Variants in DCAF8L2 observed in about 807,000 individuals in gnomAD.
DCAF8L2 encodes the protein DDB1 and CUL4 associated factor 8 like 2.
For synonymous variants in DCAF8L2, 200 were observed against 190.9 expected, an observed-to-expected ratio of 1.05 and a Z score of -0.39; for missense variants, 430 against 490.7, an observed-to-expected ratio of 0.88 and a Z score of 1.17.
chrX:27,554,676 A>G, the DCAF8L2 span, among the ~76,000 whole-genome samples: 1 of 111,847 alleles, frequency 8.9e-6, no homozygotes, highest in Non-Finnish European at 1.9e-5. Flanking sequence ...AAAATCATGC[A>G]TCATTTGAAA....
At chrX:27,536,099 A>G in the DCAF8L2 span, among the ~76,000 whole-genome samples, 1 of 112,018 alleles carries the variant, frequency 8.9e-6, no homozygotes, top group African/African-American at 3.2e-5. Context: ...CTCCATAAAT[A>G]TGGCATCCCA....
the DCAF8L2 span, among the ~76,000 whole-genome samples, chrX:27,498,452 T>A: frequency 8.9e-6 from 1 of 112,569 alleles, no homozygotes; most frequent in Non-Finnish European, 1.9e-5. Flanking sequence ...ATAAAATATA[T>A]TCAAAGTGTA....
intron 2 of DCAF8L2, among the ~76,000 whole-genome samples, chrX:27,653,131 T>G (rs2147202386): frequency 8.9e-6 from 1 of 111,959 alleles, no homozygotes; most frequent in Non-Finnish European, 1.9e-5. Context: ...CGTGGAATGG[T>G]GAGGAAGGAG....
chrX:27,598,044 TTATTAATTATAC>T (rs1926438927), intron 1 of DCAF8L2, among the ~76,000 whole-genome samples: 1 of 112,375 alleles, frequency 8.9e-6, no homozygotes, highest in African/African-American at 3.2e-5. Context: ...TTCATATAAA[TTATTAATTATAC>T]TATCAATGAC....
At chrX:27,718,711 T>A (rs763825066) in intron 4 of DCAF8L2, among the ~76,000 whole-genome samples, 37 of 111,609 alleles carry the variant, frequency 3.3e-4, no homozygotes, top group South Asian at 1.5e-3. Flanking sequence ...AGCTGCAACA[T>A]TACTCTTTTC....
intron 1 of DCAF8L2, among the ~76,000 whole-genome samples, chrX:27,596,505 G>C: frequency 9.0e-6 from 1 of 111,613 alleles, no homozygotes; most frequent in Middle Eastern, 4.7e-3. Flanking sequence ...TAGAGATCTT[G>C]ATATGATTAT....
chrX:27,508,672 G>A, the DCAF8L2 span, among the ~76,000 whole-genome samples: 15 of 103,444 alleles, frequency 1.5e-4, no homozygotes, highest in Non-Finnish European at 2.0e-5. Flanking sequence ...ACTTGTTAAT[G>A]AAGTCATCAA....
the DCAF8L2 span, among the ~76,000 whole-genome samples, chrX:27,526,686 T>C: frequency 6.2e-5 from 7 of 112,539 alleles, no homozygotes; most frequent in African/African-American, 2.3e-4. Context: ...ATGATGGTGA[T>C]GTACAGATGT....
At chrX:27,561,756 T>G in the DCAF8L2 span, among the ~76,000 whole-genome samples, 1 of 111,907 alleles carries the variant, frequency 8.9e-6, no homozygotes, top group Non-Finnish European at 1.9e-5. Flanking sequence ...GTACTTCATA[T>G]ATTTTTATTT....
At chrX:27,701,712 A>G (rs1396061848) in intron 3 of DCAF8L2, among the ~76,000 whole-genome samples, 1 of 111,217 alleles carries the variant, frequency 9.0e-6, no homozygotes, top group Non-Finnish European at 1.9e-5. Context: ...AAGAAAAGCT[A>G]TAAGTAGTGC....
At chrX:27,598,975 ATAT>A (rs1340883363) in intron 1 of DCAF8L2, among the ~76,000 whole-genome samples, 1 of 77,323 alleles carries the variant, frequency 1.3e-5, no homozygotes, top group Non-Finnish European at 2.4e-5. Flanking sequence ...AAAAAAAAAA[ATAT>A]ATATATATAT....
intron 3 of DCAF8L2, among the ~76,000 whole-genome samples, chrX:27,714,377 G>GT (rs368728316): frequency 1.3e-3 from 131 of 104,631 alleles, no homozygotes; most frequent in Middle Eastern, 5.2e-3. Flanking sequence ...TTCATTGTGA[G>GT]TTTTTTTTTT....
chrX:27,709,689 A>G (rs1452322879), intron 3 of DCAF8L2, among the ~76,000 whole-genome samples: 2 of 111,929 alleles, frequency 1.8e-5, no homozygotes, highest in African/African-American at 3.3e-5. Flanking sequence ...CATAAAAATC[A>G]CAGAAGTAAC....
At chrX:27,679,537 T>C (rs368494674) in intron 3 of DCAF8L2, among the ~76,000 whole-genome samples, 15 of 111,044 alleles carry the variant, frequency 1.4e-4, no homozygotes, top group African/African-American at 4.6e-4. Context: ...CTAGGAGTAA[T>C]AGATTGCATC....
chrX:27,480,485 C>G, the DCAF8L2 span, among the ~76,000 whole-genome samples: 12 of 112,087 alleles, frequency 1.1e-4, no homozygotes, highest in African/African-American at 3.6e-4. Flanking sequence ...ATTGGAGAGT[C>G]TGAGGCAGAG....
At chrX:27,659,584 T>C (rs1929479642) in intron 2 of DCAF8L2, among the ~76,000 whole-genome samples, 1 of 111,899 alleles carries the variant, frequency 8.9e-6, no homozygotes. Context: ...CCTCTGTTTT[T>C]TCACTTAATT....
chrX:27,645,774 A>G (rs755608734), intron 2 of DCAF8L2, among the ~76,000 whole-genome samples: 1 of 111,101 alleles, frequency 9.0e-6, no homozygotes, highest in South Asian at 3.8e-4. Flanking sequence ...CACCAACAAC[A>G]GACAAGCAGA....
At position 27,748,144 on chromosome X, in the gene DCAF8L2, G is replaced by A. The variant is rs1411767718; in HGVS notation, c.1249G>A (p.Val417Ile). The change falls in exon 5 of 5, where the codon GTT becomes ATT. Residue 417 changes from valine to isoleucine, a missense_variant. Coordinates refer to ENST00000451261, the MANE Select transcript of DCAF8L2 (RefSeq NM_001353450.2). ...VLKKFTPHHL[V>I]NCDFPTNITC... ...CAAGAAATTCACTCCTCATCATCTG[G>A]TTAATTGTGATTTCCCAACAAACAT... The A allele has an allele frequency of 8.3e-7, 1 of 1,211,831 alleles. No homozygotes were observed.
intron 4 of DCAF8L2, among the ~76,000 whole-genome samples, chrX:27,728,882 T>C (rs1012919915): frequency 1.8e-5 from 2 of 111,691 alleles, no homozygotes; most frequent in Non-Finnish European, 3.8e-5. Context: ...CTAATATTAA[T>C]ATATCAGGAC....
Sources: allele counts gnomAD v4.1 joint callset (sites outside exome capture counted in the v4.1 genomes callset), GRCh38; gene constraint gnomAD v4.1.1; transcripts MANE v1.5; gene names NCBI Gene and HGNC (gene_info 2026-07-23, HGNC 2026-07-21).